The following TMEM232 variants were observed in gnomAD, a reference collection of about 807,000 sequenced individuals.
The protein encoded by TMEM232 is transmembrane protein 232.
Under a neutral mutation model 78.8 loss-of-function variants are expected in TMEM232, and 80 were observed. That is an observed-to-expected ratio of 1.01 (90% CI 0.85 to 1.22). TMEM232 has a LOEUF of 1.22. Ranked by LOEUF, TMEM232 falls within the 50% of genes most tolerant of loss-of-function variation. The pLI, the probability that TMEM232 is intolerant of heterozygous loss-of-function variation, is 0.00. For synonymous variants in TMEM232, 297 were observed against 254.3 expected, an observed-to-expected ratio of 1.17 and a Z score of -1.60; for missense variants, 881 against 742.2, an observed-to-expected ratio of 1.19 and a Z score of -2.17.
At chr5:110,595,337 G>A (rs919373384) in intron 10 of TMEM232, among the ~76,000 whole-genome samples, 1 of 152,162 alleles carries the variant, frequency 6.6e-6, no homozygotes, top group East Asian at 1.9e-4. Context: ...CAAAAATGCT[G>A]AAAATTCTAA....
chr5:110,460,767 CTG>C (rs1344763111), intron 12 of TMEM232, among the ~76,000 whole-genome samples: 1 of 151,590 alleles, frequency 6.6e-6, no homozygotes, highest in African/African-American at 2.4e-5. Context: ...CTCGGTGTCT[CTG>C]TGTCACATTT....
At chr5:110,424,697 A>T in intron 13 of TMEM232, 126 bp downstream of exon 13, 1 of 767,982 alleles carries the variant, frequency 1.3e-6, no homozygotes, top group Middle Eastern at 3.5e-4. Flanking sequence ...CAGTTTGGCA[A>T]ACCAATCATG....
At chr5:110,582,486 T>C (rs1778319209) in intron 10 of TMEM232, among the ~76,000 whole-genome samples, 1 of 151,818 alleles carries the variant, frequency 6.6e-6, no homozygotes, top group African/African-American at 2.4e-5. Context: ...AAGATGGCAA[T>C]AATAGACACT....
chr5:110,611,957 G>A (rs1471283892), intron 8 of TMEM232, among the ~76,000 whole-genome samples: 1 of 152,110 alleles, frequency 6.6e-6, no homozygotes, highest in African/African-American at 2.4e-5. Context: ...TAAGATGTCT[G>A]ATTTGGTTAG....
chr5:110,494,891 A>G (rs912152095), intron 12 of TMEM232, among the ~76,000 whole-genome samples: 1 of 151,852 alleles, frequency 6.6e-6, no homozygotes, highest in South Asian at 2.1e-4. Context: ...GCAATTATCA[A>G]GCTAGACTAG....
chr5:110,736,784 C>T (rs1032875789), intron 1 of TMEM232, among the ~76,000 whole-genome samples: 9 of 151,944 alleles, frequency 5.9e-5, no homozygotes, highest in Non-Finnish European at 7.4e-5. Flanking sequence ...TGTTCACCAC[C>T]GACAAGGCTT....
At chr5:110,663,533 G>GA (rs528849776) in intron 2 of TMEM232, among the ~76,000 whole-genome samples, 10 of 151,052 alleles carry the variant, frequency 6.6e-5, no homozygotes, top group Non-Finnish European at 1.5e-4. Flanking sequence ...ATACCCATAT[G>GA]AAAAAAAACA....
rs73220712 is a variant in TMEM232, at chr5:110,426,828, G to A, written c.1704-1912C>T. Among the ~76,000 whole-genome samples the A allele has an allele frequency of 3.7e-3, 565 of 152,044 alleles. 3 individuals carry two copies. The highest frequency in any genetic ancestry group is 0.013 in the African/African-American group (524 of 41,500). ...ATTCAGTGAAATTTGGGCAGTTTTG[G>A]TATTCAAAGAATTGTGCCAAATGCT... is the stretch of plus-strand genomic sequence containing the variant. On this transcript the variant is annotated intron_variant, in intron 12 of 13. Transcript: ENST00000455884.
intron 9 of TMEM232, 53 bp from the exon 10 acceptor site, chr5:110,605,411 T>C: frequency 6.7e-7 from 1 of 1,488,252 alleles, no homozygotes; most frequent in Non-Finnish European, 9.0e-7. Flanking sequence ...TGCATATCAA[T>C]AACTACACAG....
chr5:110,655,177 G>C (rs560221095), intron 2 of TMEM232, among the ~76,000 whole-genome samples: 1 of 151,894 alleles, frequency 6.6e-6, no homozygotes, highest in Non-Finnish European at 1.5e-5. Context: ...CTATTATCCA[G>C]AATCTACAAT....
intron 12 of TMEM232, among the ~76,000 whole-genome samples, chr5:110,521,496 A>G (rs952488801): frequency 1.3e-5 from 2 of 152,082 alleles, no homozygotes; most frequent in Non-Finnish European, 2.9e-5. Flanking sequence ...TGTCACCCGG[A>G]GTTTTGGTGT....
chr5:110,727,503 G>A (rs894409156), upstream of TMEM232, among the ~76,000 whole-genome samples: 14 of 152,144 alleles, frequency 9.2e-5, no homozygotes, highest in Non-Finnish European at 1.6e-4. Flanking sequence ...CAGCTACTCA[G>A]GAGGCTGAGG....
At position 110,420,260 on chromosome 5, in the gene TMEM232, A is replaced by ATG; in HGVS notation, c.*318_*319dup. ...CAAACTGTTTGTTTGATGAATATCA[A>ATG]TGTTCTGAGAATCAGTTATCAAGTA... On this transcript the variant is annotated 3_prime_UTR_variant, in exon 14 of 14. Transcript: ENST00000455884. 5.5e-6 allele frequency: 1 copy of ATG among 180,732 alleles called. No individual in the cohort carries two copies. Among genetic ancestry groups the ATG allele is most frequent in the Non-Finnish European group, 1.1e-5 (1 of 87,612 alleles). The allele number at this position is 180,732 out of a possible 1,614,324, so 11.2% of individuals were successfully genotyped here.
chr5:110,605,471 T>A (rs1233745185), intron 9 of TMEM232, 113 bp from the exon 10 acceptor site: 1 of 1,240,226 alleles, frequency 8.1e-7, no homozygotes, highest in African/African-American at 1.5e-5. Context: ...TATATCTAAA[T>A]GTGTTCATTA....
intron 1 of TMEM232, among the ~76,000 whole-genome samples, chr5:110,669,560 G>A (rs570680829): frequency 1.3e-5 from 2 of 152,292 alleles, no homozygotes; most frequent in African/African-American, 2.4e-5. Flanking sequence ...GTACAAGGCG[G>A]AACTAGTACC....
At chr5:110,577,730 G>T (rs1245556280) in intron 10 of TMEM232, among the ~76,000 whole-genome samples, 1 of 152,004 alleles carries the variant, frequency 6.6e-6, no homozygotes, top group Admixed American at 6.6e-5. Flanking sequence ...AGGGACATGG[G>T]TGGAGCTTAA....
chr5:110,478,947 G>C (rs1341350434), intron 12 of TMEM232, among the ~76,000 whole-genome samples: 1 of 142,978 alleles, frequency 7.0e-6, no homozygotes. Flanking sequence ...TTAAGAATAA[G>C]GTAGTGAAAA....
chr5:110,648,841 G>C (rs556896727), intron 2 of TMEM232, among the ~76,000 whole-genome samples: 1 of 152,142 alleles, frequency 6.6e-6, no homozygotes, highest in Admixed American at 6.6e-5. Flanking sequence ...AGGATTTTAA[G>C]GTTATCTATC....
chr5:110,679,772 A>G (rs1792487110), intron 1 of TMEM232, among the ~76,000 whole-genome samples: 1 of 152,014 alleles, frequency 6.6e-6, no homozygotes, highest in African/African-American at 2.4e-5. Context: ...ATAATTTTGC[A>G]ATTGTTTTCC....
Sources: gnomAD v4.1 joint callset for allele counts (sites outside exome capture counted in the v4.1 genomes callset) on GRCh38, gnomAD v4.1.1 for gene constraint, MANE v1.5 for transcripts, NCBI Gene and HGNC (gene_info 2026-07-23, HGNC 2026-07-21) for gene names.